The following MAP3K20 variants were observed in gnomAD, a reference collection of about 807,000 sequenced individuals.
MAP3K20 encodes HCCS-4.
In MAP3K20, 40 loss-of-function variants were observed where a neutral mutation model predicts 85.7. That is an observed-to-expected ratio of 0.47 (90% CI 0.36 to 0.61). The LOEUF (loss-of-function observed/expected upper bound fraction) is 0.61. Ranked by LOEUF, MAP3K20 falls within the 20% of genes least tolerant of loss-of-function variation. The probability of loss-of-function intolerance (pLI) is 0.00; values close to 1 mark genes in which losing one functional copy is unlikely to be tolerated. For missense variants in MAP3K20, 817 were observed against 961.7 expected (o/e 0.85, Z 1.99); for synonymous variants, 325 against 327.7 (o/e 0.99, Z 0.09).
intron 2 of MAP3K20, among the ~76,000 whole-genome samples, chr2:173,127,344 T>G (rs1428363863): frequency 1.3e-5 from 2 of 152,204 alleles, no homozygotes; most frequent in Admixed American, 1.3e-4. Context: ...CTATTCATAA[T>G]GAAGGAAAGA....
intron 2 of MAP3K20, among the ~76,000 whole-genome samples, chr2:173,155,751 A>T (rs147646817): frequency 0.013 from 1,935 of 152,254 alleles, 23 homozygotes; most frequent in Middle Eastern, 0.024. Flanking sequence ...TTTTGGGATT[A>T]TTTGACCAAG....
intron 2 of MAP3K20, among the ~76,000 whole-genome samples, chr2:173,158,654 G>A (rs1212041015): frequency 6.6e-6 from 1 of 152,176 alleles, no homozygotes; most frequent in Non-Finnish European, 1.5e-5. Flanking sequence ...TTACTCATAA[G>A]CTTGACTTGC....
In MAP3K20 at chr2:173,210,701, T is replaced by C. The variant is rs569108510; in HGVS notation, c.851+866T>C. On this transcript the variant is annotated intron_variant, in intron 10 of 19. Coordinates refer to ENST00000375213, the MANE Select transcript of MAP3K20 (RefSeq NM_016653.3). Reference sequence around the variant, plus strand: ...ATAGCATGTTTGGAAGCTGACATTATTCCCCCCCTGACTCAGCGGAGATTT... The same window carrying C: ...ATAGCATGTTTGGAAGCTGACATTACTCCCCCCCTGACTCAGCGGAGATTT... 12 of 151,596 alleles carry C rather than the reference T, an allele frequency of 7.9e-5. No individual in the cohort carries two copies. In the East Asian group the frequency reaches 1.2e-3, roughly 15 times the overall value. 9.4% of individuals were successfully genotyped at this position (151,596 alleles called of 1,614,324 possible). A position where few individuals can be genotyped will look rare whatever the true frequency, so the allele number is the denominator to read the frequency against.
At chr2:173,090,571 A>AGC in intron 1 of MAP3K20, 1 of 970,750 alleles carries the variant, frequency 1.0e-6, no homozygotes, top group Middle Eastern at 5.3e-4. Flanking sequence ...TTTTGTGTGA[A>AGC]GTGAGTGCAG....
rs1684690122 is a variant in MAP3K20 at position 173,237,823 on chromosome 2, T to C, written c.1204-550T>C. Among the ~76,000 whole-genome samples, 3 of 152,206 alleles carry C rather than the reference T, an allele frequency of 2.0e-5. 1 individual carries two copies. In the South Asian group the frequency reaches 6.2e-4, roughly 32 times the overall value. On this transcript the variant is annotated intron_variant, in intron 14 of 19. Coordinates refer to ENST00000375213, the MANE Select transcript of MAP3K20 (RefSeq NM_016653.3). ...ACATCCACTTCTCAGTACTATACTC[T>C]GGCGGCGTTTGAAAAATTGTTTTAT... is the stretch of plus-strand genomic sequence containing the variant.
intron 1 of MAP3K20, among the ~76,000 whole-genome samples, chr2:173,087,912 G>A (rs1687186323): frequency 6.6e-6 from 1 of 152,120 alleles, no homozygotes; most frequent in South Asian, 2.1e-4. Flanking sequence ...CCAAAGACAA[G>A]GTTCTCACAG....
intron 11 of MAP3K20, among the ~76,000 whole-genome samples, chr2:173,220,788 G>A (rs1488175917): frequency 6.6e-6 from 1 of 152,050 alleles, no homozygotes; most frequent in Non-Finnish European, 1.5e-5. Flanking sequence ...AAATATAATG[G>A]TCAACTAAAT....
intron 9 of MAP3K20, among the ~76,000 whole-genome samples, chr2:173,205,875 A>G (rs906139037): frequency 6.6e-6 from 1 of 152,198 alleles, no homozygotes; most frequent in Non-Finnish European, 1.5e-5. Flanking sequence ...ATGATTTTGT[A>G]GAATGGGGAT....
At position 173,267,202 on chromosome 2, in the gene MAP3K20, T is replaced by C. The variant is rs1043596587; in HGVS notation, c.*452T>C. ...GTTACTGATCTTGTCTTTAACATTT[T>C]GATATTTTGTTCATCATAATTTTTG... On this transcript the variant is annotated 3_prime_UTR_variant, in exon 20 of 20. Coordinates refer to ENST00000375213, the MANE Select transcript of MAP3K20 (RefSeq NM_016653.3). 5 of 152,858 alleles carry C rather than the reference T, an allele frequency of 3.3e-5. No individual in the cohort carries two copies. In the South Asian group the frequency reaches 8.3e-4, roughly 25 times the overall value. 9.5% of individuals were successfully genotyped at this position (152,858 alleles called of 1,614,324 possible).
chr2:173,266,171 G>A lies in MAP3K20; in HGVS notation c.1824G>A (p.Gln608=), dbSNP rs368163334. 130 of 1,614,094 alleles carry A rather than the reference G, an allele frequency of 8.1e-5. No homozygotes were observed. Among genetic ancestry groups the A allele is most frequent in the Non-Finnish European group, 1.0e-4 (122 of 1,180,010 alleles). Reference sequence around the variant, plus strand: ...CGTTCTTCTCACACTTTGATGGCCAGGATTCCTACGCTGCTGCTGTGAGAC... The same window carrying A: ...CGTTCTTCTCACACTTTGATGGCCAAGATTCCTACGCTGCTGCTGTGAGAC... The part of the protein sequence containing the change: ...GSPFFSHFDG[Q]DSYAAAVRRP... The change falls in exon 20 of 20, where the codon CAG becomes CAA. Residue 608 remains glutamine (Q), a synonymous_variant. Transcript: ENST00000375213.
At chr2:173,142,659 A>T (rs2106215642) in intron 2 of MAP3K20, among the ~76,000 whole-genome samples, 1 of 152,264 alleles carries the variant, frequency 6.6e-6, no homozygotes, top group East Asian at 1.9e-4. Context: ...GGTATAGCTA[A>T]AAAGCCAATG....
At chr2:173,096,601 G>A (rs1266166345) in intron 2 of MAP3K20, among the ~76,000 whole-genome samples, 1 of 152,144 alleles carries the variant, frequency 6.6e-6, no homozygotes, top group East Asian at 1.9e-4. Context: ...GCCTCCCAAA[G>A]TGCTGGGATT....
At chr2:173,082,907 C>T (rs1167965963) in intron 1 of MAP3K20, among the ~76,000 whole-genome samples, 1 of 152,270 alleles carries the variant, frequency 6.6e-6, no homozygotes, top group Admixed American at 6.5e-5. Flanking sequence ...CTCCCACCAA[C>T]TACATTCCTG....
rs959165921 is a variant in MAP3K20 at position 173,264,018 on chromosome 2, G to A, written c.1702+123G>A. 4.3e-5 allele frequency: 59 copies of A among 1,357,122 alleles called. No homozygotes were observed. In the African/African-American group the frequency reaches 6.7e-4, roughly 15 times the overall value. 84.1% of individuals were successfully genotyped at this position (1,357,122 alleles called of 1,614,324 possible). On this transcript the variant is annotated intron_variant, in intron 19 of 19. Coordinates refer to ENST00000375213, the MANE Select transcript of MAP3K20 (RefSeq NM_016653.3). The stretch of plus-strand genomic sequence containing the variant: ...CAGTTAAGATCTATCTTTGAGCTTC[G>A]AGTAGCAGAAAACCCAGTTGCAACT...
chr2:173,110,490 G>A (rs769818288), intron 2 of MAP3K20, among the ~76,000 whole-genome samples: 41 of 151,410 alleles, frequency 2.7e-4, no homozygotes, highest in Non-Finnish European at 2.5e-4. Flanking sequence ...AAGTTCTTTA[G>A]TGGTGATTTG....
chr2:173,246,493 T>C (rs1306181372), intron 16 of MAP3K20, among the ~76,000 whole-genome samples: 1 of 152,212 alleles, frequency 6.6e-6, no homozygotes, highest in East Asian at 1.9e-4. Flanking sequence ...GCCTAGATTT[T>C]ATTATTATAT....
At chr2:173,212,726 G>T (rs1683944795) in intron 10 of MAP3K20, 1 of 150,724 alleles carries the variant, frequency 6.6e-6, no homozygotes. Context: ...TTGAGCTGGG[G>T]AGGTCAAAGC....
intron 1 of MAP3K20, among the ~76,000 whole-genome samples, chr2:173,088,879 A>G (rs1023667426): frequency 2.0e-5 from 3 of 152,228 alleles, no homozygotes; most frequent in African/African-American, 7.2e-5. Flanking sequence ...TATAGACTAT[A>G]TTTGGATACT....
intron 14 of MAP3K20, among the ~76,000 whole-genome samples, chr2:173,235,808 T>C (rs114423306): frequency 0.014 from 2,167 of 152,276 alleles, 24 homozygotes; most frequent in Non-Finnish European, 0.023. Context: ...CCAAGAGTAG[T>C]CTTCTTCCAG....
Sources: allele counts gnomAD v4.1 joint callset (sites outside exome capture counted in the v4.1 genomes callset), GRCh38; gene constraint gnomAD v4.1.1; transcripts MANE v1.5; gene names NCBI Gene and HGNC (gene_info 2026-07-23, HGNC 2026-07-21).